Variants in SCFD2 observed in about 807,000 individuals in gnomAD.
SCFD2 encodes the protein sec1 family domain containing 2, also known as sec1 family domain-containing protein 2.
A neutral mutation model predicts 58.9 loss-of-function variants in SCFD2; 54 were observed. The observed-to-expected ratio is 0.92, with a 90% CI of 0.74 to 1.15. SCFD2 has a LOEUF of 1.15. Ranked by LOEUF, SCFD2 falls within the 50% of genes most tolerant of loss-of-function variation. SCFD2 has a pLI of 0.00. For missense variants in SCFD2, 805 were observed against 836.6 expected (o/e 0.96, Z 0.47); for synonymous variants, 321 against 335.9 (o/e 0.96, Z 0.49).
intron 2 of SCFD2, among the ~76,000 whole-genome samples, chr4:53,323,348 G>T (rs942049883): frequency 1.3e-5 from 2 of 152,044 alleles, no homozygotes; most frequent in African/African-American, 4.8e-5. Flanking sequence ...ACAACTCTGA[G>T]GAGAGAAGAA....
intron 5 of SCFD2, chr4:52,948,682 G>C (rs1054206779): frequency 3.5e-5 from 13 of 371,922 alleles, no homozygotes; most frequent in African/African-American, 2.3e-4. Flanking sequence ...GTTAACTCTG[G>C]AGGATGCAGC....
intron 4 of SCFD2, among the ~76,000 whole-genome samples, chr4:53,270,240 A>T (rs971140678): frequency 3.3e-5 from 5 of 152,184 alleles, no homozygotes; most frequent in African/African-American, 1.2e-4. Flanking sequence ...AATTCACCAC[A>T]TTAACAGATT....
At chr4:52,967,984 G>A (rs148382167) in intron 5 of SCFD2, among the ~76,000 whole-genome samples, 116 of 152,310 alleles carry the variant, frequency 7.6e-4, no homozygotes, top group Middle Eastern at 3.4e-3. Flanking sequence ...CAAGGAAGAT[G>A]GCTCTAGCAT....
At chr4:53,117,445 C>T (rs2148889397) in intron 5 of SCFD2, among the ~76,000 whole-genome samples, 1 of 152,176 alleles carries the variant, frequency 6.6e-6, no homozygotes, top group South Asian at 2.1e-4. Flanking sequence ...ACCTCTGAGC[C>T]TTAGGTTCCT....
At chr4:52,883,264 G>A (rs924049196) in intron 8 of SCFD2, among the ~76,000 whole-genome samples, 5 of 152,164 alleles carry the variant, frequency 3.3e-5, no homozygotes, top group Non-Finnish European at 5.9e-5. Flanking sequence ...GTCTGTCAAG[G>A]TCTAAGAAAG....
intron 4 of SCFD2, among the ~76,000 whole-genome samples, chr4:53,255,181 A>G (rs1400818375): frequency 1.6e-5 from 2 of 125,050 alleles, no homozygotes; most frequent in South Asian, 2.6e-4. Context: ...AATACTTCCT[A>G]TTCTTTTTTT....
At chr4:53,345,883 T>C (rs1378972687) in intron 2 of SCFD2, among the ~76,000 whole-genome samples, 1 of 151,910 alleles carries the variant, frequency 6.6e-6, no homozygotes, top group Non-Finnish European at 1.5e-5. Context: ...CACTCATAGG[T>C]GTGAATTGAA....
intron 5 of SCFD2, among the ~76,000 whole-genome samples, chr4:53,064,731 C>T (rs1310660792): frequency 6.6e-6 from 1 of 152,074 alleles, no homozygotes. Context: ...TAAAATATCT[C>T]CTTATGAGGT....
chr4:53,299,614 T>C (rs1045249068), intron 3 of SCFD2, among the ~76,000 whole-genome samples: 17 of 151,686 alleles, frequency 1.1e-4, no homozygotes, highest in Non-Finnish European at 4.4e-5. Flanking sequence ...AAGATAATCC[T>C]CGAGAAGAGC....
chr4:53,299,742 T>G (rs1409139154), intron 3 of SCFD2, among the ~76,000 whole-genome samples: 3 of 152,180 alleles, frequency 2.0e-5, no homozygotes, highest in Non-Finnish European at 2.9e-5. Flanking sequence ...GACTAAGAGC[T>G]GATCTCTCGC....
At chr4:53,043,802 T>A (rs147426437) in intron 5 of SCFD2, among the ~76,000 whole-genome samples, 3,993 of 152,288 alleles carry the variant, frequency 0.026, 80 homozygotes, top group African/African-American at 0.054. Flanking sequence ...TAAAAAATAT[T>A]CTTTTAAAAT....
intron 1 of SCFD2, among the ~76,000 whole-genome samples, chr4:53,360,488 A>G (rs955625917): frequency 7.9e-5 from 12 of 152,350 alleles, no homozygotes; most frequent in African/African-American, 2.6e-4. Flanking sequence ...AGAGAGGACC[A>G]CAAATCAAAA....
chr4:53,137,376 C>T (rs1725973162), intron 5 of SCFD2, among the ~76,000 whole-genome samples: 2 of 152,216 alleles, frequency 1.3e-5, no homozygotes, highest in South Asian at 4.1e-4. Context: ...AAAACCACAC[C>T]TAGGACAGTG....
At chr4:53,009,589 T>C (rs1287718396) in intron 5 of SCFD2, among the ~76,000 whole-genome samples, 3 of 152,206 alleles carry the variant, frequency 2.0e-5, no homozygotes, top group Non-Finnish European at 4.4e-5. Context: ...TCTTCACAAA[T>C]GATTATGGCT....
intron 3 of SCFD2, among the ~76,000 whole-genome samples, chr4:53,305,499 G>T (rs1397600625): frequency 6.6e-6 from 1 of 152,032 alleles, no homozygotes; most frequent in Non-Finnish European, 1.5e-5. Context: ...TAAATACAAA[G>T]TACCAGCTGT....
At chr4:53,263,758 G>C (rs1730898791) in intron 4 of SCFD2, among the ~76,000 whole-genome samples, 1 of 152,204 alleles carries the variant, frequency 6.6e-6, no homozygotes, top group African/African-American at 2.4e-5. Flanking sequence ...GCTTTCAAGA[G>C]TGCATCAGCT....
chr4:53,257,322 ATG>A (rs1730676142), intron 4 of SCFD2, among the ~76,000 whole-genome samples: 1 of 152,202 alleles, frequency 6.6e-6, no homozygotes, highest in Non-Finnish European at 1.5e-5. Flanking sequence ...AGTCAGTTCA[ATG>A]TGAAGAAGAG....
At chr4:53,331,317 C>T (rs1436096464) in intron 2 of SCFD2, among the ~76,000 whole-genome samples, 1 of 151,574 alleles carries the variant, frequency 6.6e-6, no homozygotes. Context: ...CACACCACAC[C>T]TATTCCAAAA....
chr4:53,292,752 G>T (rs1450384455), intron 3 of SCFD2, among the ~76,000 whole-genome samples: 1 of 152,132 alleles, frequency 6.6e-6, no homozygotes, highest in Non-Finnish European at 1.5e-5. Context: ...ACATGCACGT[G>T]TATGTTCATT....
Sources: gnomAD v4.1 joint callset for allele counts (sites outside exome capture counted in the v4.1 genomes callset) on GRCh38, gnomAD v4.1.1 for gene constraint, MANE v1.5 for transcripts, NCBI Gene and HGNC (gene_info 2026-07-23, HGNC 2026-07-21) for gene names.